Variants in VAPA observed in about 807,000 individuals in gnomAD.
VAPA encodes VAMP associated protein A, also known as vesicle-associated membrane protein-associated protein A.
Under a neutral mutation model 25.6 loss-of-function variants are expected in VAPA, and 6 were observed. That is an observed-to-expected ratio of 0.23 (90% confidence interval 0.13 to 0.46). The LOEUF is 0.46. Among genes scored for constraint, VAPA ranks in the 20% least tolerant of loss-of-function variants. The probability of loss-of-function intolerance (pLI) is 0.99; values close to 1 mark genes in which losing one functional copy is unlikely to be tolerated. For synonymous variants in VAPA, 112 were observed against 106.2 expected (o/e 1.05, Z -0.34); for missense variants, 244 against 302.1 (o/e 0.81, Z 1.43).
At chr18:9,927,376 C>T (rs1270755191) in intron 1 of VAPA, among the ~76,000 whole-genome samples, 3 of 152,038 alleles carry the variant, frequency 2.0e-5, no homozygotes, top group African/African-American at 7.2e-5. Context: ...CTCTTTGCAG[C>T]TGAACTCAAC....
rs558302757 is a variant in VAPA, at chr18:9,955,423, C to A, written c.*1212C>A. ...TATGCGTTACAGGGTTTGATACTTT[C>A]CTGCACTTAGGTTTGTCCTATTCTT... On this transcript the variant is annotated 3_prime_UTR_variant, in exon 6 of 6. Transcript: ENST00000400000. 6.6e-6 allele frequency: 1 copy of A among 152,140 alleles called. No homozygotes were observed. Among genetic ancestry groups the A allele is most frequent in the Non-Finnish European group, 1.5e-5 (1 of 68,010 alleles). The allele number at this position is 152,140 out of a possible 1,614,324, so 9.4% of individuals were successfully genotyped here.
intron 1 of VAPA, among the ~76,000 whole-genome samples, chr18:9,924,311 A>G (rs1348806560): frequency 2.0e-5 from 3 of 152,104 alleles, no homozygotes; most frequent in Admixed American, 2.0e-4. Flanking sequence ...ATTTTAATCA[A>G]GATGTTAAAT....
In VAPA at chr18:9,958,071, T is replaced by C. The variant is rs905310933; in HGVS notation, c.*3860T>C. 3 of 152,236 alleles carry C rather than the reference T, an allele frequency of 2.0e-5. No homozygotes were observed. The allele number at this position is 152,236 out of a possible 1,614,324, so 9.4% of individuals were successfully genotyped here. Reference sequence around the variant, plus strand: ...CACTTCAGGCAATTTTTGGAAAATATAAAAAATTCCAAATTCTGCCTTTCA... The same window carrying C: ...CACTTCAGGCAATTTTTGGAAAATACAAAAAATTCCAAATTCTGCCTTTCA... On this transcript the variant is annotated 3_prime_UTR_variant, in exon 6 of 6. Transcript: ENST00000400000.
chr18:9,933,463 A>G (rs559459840), intron 2 of VAPA, among the ~76,000 whole-genome samples: 1 of 152,360 alleles, frequency 6.6e-6, no homozygotes, highest in South Asian at 2.1e-4. Flanking sequence ...GGAAATAAAG[A>G]TGAAGGAATG....
intron 1 of VAPA, among the ~76,000 whole-genome samples, chr18:9,925,703 A>C (rs4798890): frequency 6.6e-6 from 1 of 152,082 alleles, no homozygotes. Context: ...ATTTGTAATA[A>C]GAATGTTTTA....
intron 1 of VAPA, 29 bp downstream of exon 1, chr18:9,914,364 G>C: frequency 6.5e-7 from 1 of 1,550,356 alleles, no homozygotes; most frequent in South Asian, 1.2e-5. Flanking sequence ...CCCCCGGGTG[G>C]GGTGGGGCGC....
chr18:9,923,285 TA>T, intron 1 of VAPA, among the ~76,000 whole-genome samples: 7 of 147,790 alleles, frequency 4.7e-5, no homozygotes, highest in African/African-American at 1.8e-4. Context: ...GAATTACCGT[TA>T]AAAAGTAGGG....
chr18:9,945,111 G>A, intron 4 of VAPA: 1 of 1,586,402 alleles, frequency 6.3e-7, no homozygotes, highest in Admixed American at 1.7e-5. Flanking sequence ...CAATGGTTAA[G>A]TTAATGTAGA....
chr18:9,931,109 A>G (rs1374911856), intron 1 of VAPA, among the ~76,000 whole-genome samples: 1 of 152,164 alleles, frequency 6.6e-6, no homozygotes, highest in African/African-American at 2.4e-5. Context: ...ATTGTTCCCA[A>G]CTGGAACATG....
intron 2 of VAPA, among the ~76,000 whole-genome samples, chr18:9,933,937 CTT>C (rs2069282120): frequency 6.6e-6 from 1 of 152,218 alleles, no homozygotes; most frequent in African/African-American, 2.4e-5. Context: ...ATGACTTTTT[CTT>C]TGAGGGGCCT....
chr18:9,915,716 A>C (rs1210863549), intron 1 of VAPA: 1 of 152,258 alleles, frequency 6.6e-6, no homozygotes, highest in Non-Finnish European at 1.5e-5. Context: ...AGGAATTTAA[A>C]ATATATTCTG....
chr18:9,937,779 T>C (rs2069326649), intron 4 of VAPA, among the ~76,000 whole-genome samples: 2 of 152,090 alleles, frequency 1.3e-5, no homozygotes, highest in South Asian at 4.1e-4. Context: ...TACAATAATA[T>C]GGATAAATAG....
chr18:9,952,338 G>A lies in VAPA; in HGVS notation c.592-1715G>A, dbSNP rs142365598. ...TCCCAGCACTTTGGGAGGCTGAGGCGTGTGGATCACCTGAGGTCAGGAGTT... is the reference window on the plus strand; with the variant it reads ...TCCCAGCACTTTGGGAGGCTGAGGCATGTGGATCACCTGAGGTCAGGAGTT... On this transcript the variant is annotated intron_variant, in intron 5 of 5. Coordinates refer to ENST00000400000, the MANE Select transcript of VAPA (RefSeq NM_194434.3). 5.3e-3 allele frequency among the ~76,000 whole-genome samples: 812 copies of A among 152,136 alleles called. 8 individuals carry two copies. The highest frequency in any genetic ancestry group is 0.019 in the African/African-American group (769 of 41,490).
chr18:9,926,253 A>G (rs1273042647), intron 1 of VAPA, among the ~76,000 whole-genome samples: 1 of 152,198 alleles, frequency 6.6e-6, no homozygotes, highest in Admixed American at 6.6e-5. Context: ...ACTCAGCAGC[A>G]TAACCCTTGT....
At chr18:9,942,021 A>G (rs1454786745) in intron 4 of VAPA, among the ~76,000 whole-genome samples, 2 of 152,246 alleles carry the variant, frequency 1.3e-5, no homozygotes, top group Admixed American at 6.5e-5. Context: ...TGTAAAAAGT[A>G]TGTTAACTTA....
rs2143451483 is a variant in VAPA at position 9,954,433 on chromosome 18, G to A, written c.*222G>A. ...GTTGTATATTACCAGATCATCACTA[G>A]CAGATGTCAGTTGCACATTGAGTCC... On this transcript the variant is annotated 3_prime_UTR_variant, in exon 6 of 6. Transcript: ENST00000400000. 1 of 445,060 alleles carries A rather than the reference G, an allele frequency of 2.2e-6. No individual in the cohort carries two copies. Among genetic ancestry groups the A allele is most frequent in the South Asian group, 5.0e-5 (1 of 19,914 alleles). 27.6% of individuals were successfully genotyped at this position (445,060 alleles called of 1,614,324 possible). A position where few individuals can be genotyped will look rare whatever the true frequency, so the allele number is the denominator to read the frequency against.
At position 9,959,896 on chromosome 18, in the gene VAPA, A is replaced by G. The variant is rs996220770; in HGVS notation, c.*5685A>G. 1.4e-4 allele frequency: 22 copies of G among 152,232 alleles called. No individual in the cohort carries two copies. Among genetic ancestry groups the G allele is most frequent in the African/African-American group, 5.3e-4 (22 of 41,546 alleles). The allele number at this position is 152,232 out of a possible 1,614,324, so 9.4% of individuals were successfully genotyped here. A position where few individuals can be genotyped will look rare whatever the true frequency, so the allele number is the denominator to read the frequency against. On this transcript the variant is annotated 3_prime_UTR_variant, in exon 6 of 6. Coordinates refer to ENST00000400000, the MANE Select transcript of VAPA (RefSeq NM_194434.3). ...TGTGCTGTTTTAATTCAAAATGTAT[A>G]TCCTTAATTGTATATAATATGTAGA...
intron 1 of VAPA, among the ~76,000 whole-genome samples, chr18:9,916,699 G>C (rs2069114507): frequency 6.6e-6 from 1 of 152,196 alleles, no homozygotes; most frequent in African/African-American, 2.4e-5. Flanking sequence ...GATTCATTTA[G>C]AATGTACAGT....
At chr18:9,917,708 G>T (rs1299293240) in intron 1 of VAPA, among the ~76,000 whole-genome samples, 4 of 152,142 alleles carry the variant, frequency 2.6e-5, no homozygotes, top group Non-Finnish European at 4.4e-5. Flanking sequence ...GAGAGTGGCC[G>T]ATAACAATAA....
Sources: gnomAD v4.1 joint callset for allele counts (sites outside exome capture counted in the v4.1 genomes callset) on GRCh38, gnomAD v4.1.1 for gene constraint, MANE v1.5 for transcripts, NCBI Gene and HGNC (gene_info 2026-07-23, HGNC 2026-07-21) for gene names.